The following COL19A1 variants were observed in gnomAD, a reference collection of about 807,000 sequenced individuals.
The protein encoded by COL19A1 is collagen alpha-1(XIX) chain.
In COL19A1, 159 loss-of-function variants were observed where a neutral mutation model predicts 190.2. The observed-to-expected ratio is 0.84, with a 90% CI of 0.73 to 0.95. COL19A1 has a LOEUF of 0.95. COL19A1 is among the 40% of genes least tolerant of loss of function. COL19A1 has a pLI of 0.00. For missense variants in COL19A1, 1,418 were observed against 1,431.9 expected (o/e 0.99, Z 0.16); for synonymous variants, 509 against 458.9 (o/e 1.11, Z -1.39).
At chr6:69,943,737 A>G (rs2150027516) in intron 9 of COL19A1, among the ~76,000 whole-genome samples, 1 of 152,236 alleles carries the variant, frequency 6.6e-6, no homozygotes, top group South Asian at 2.1e-4. Flanking sequence ...TGGGTTCTCT[A>G]GTGTGTTCCA....
intron 11 of COL19A1, among the ~76,000 whole-genome samples, chr6:69,971,979 C>T (rs1015317759): frequency 1.4e-4 from 22 of 152,108 alleles, no homozygotes; most frequent in African/African-American, 4.8e-4. Context: ...ATCCTGAATC[C>T]CACAAGGTCC....
chr6:70,057,768 A>G (rs1395421676), intron 14 of COL19A1, among the ~76,000 whole-genome samples: 1 of 152,126 alleles, frequency 6.6e-6, no homozygotes, highest in Non-Finnish European at 1.5e-5. Flanking sequence ...TTATTTTGGT[A>G]TCAAGTAGGA....
intron 2 of COL19A1, among the ~76,000 whole-genome samples, chr6:69,897,422 A>T (rs1769858574): frequency 6.6e-6 from 1 of 151,690 alleles, no homozygotes; most frequent in Non-Finnish European, 1.5e-5. Flanking sequence ...TGTTTTCTGT[A>T]GTTTCATGTA....
At chr6:70,064,550 C>A (rs1298993690) in intron 14 of COL19A1, among the ~76,000 whole-genome samples, 1 of 152,170 alleles carries the variant, frequency 6.6e-6, no homozygotes, top group Admixed American at 6.5e-5. Context: ...AAAACTGGCA[C>A]AAGACAGGGA....
chr6:69,921,420 T>TC (rs1561998085), intron 4 of COL19A1, among the ~76,000 whole-genome samples: 99 of 115,372 alleles, frequency 8.6e-4, no homozygotes, highest in African/African-American at 1.8e-3. Flanking sequence ...TCATATATCA[T>TC]ATATATCATA....
chr6:69,947,891 T>C (rs566651518), intron 9 of COL19A1, among the ~76,000 whole-genome samples: 9 of 152,030 alleles, frequency 5.9e-5, no homozygotes, highest in African/African-American at 2.2e-4. Flanking sequence ...ACAAACTCTA[T>C]TGAAAAACAA....
chr6:70,098,158 A>G (rs1417991744), intron 15 of COL19A1, among the ~76,000 whole-genome samples: 1 of 152,192 alleles, frequency 6.6e-6, no homozygotes, highest in Non-Finnish European at 1.5e-5. Flanking sequence ...AGCCCTGCAA[A>G]GAAAATAACA....
chr6:70,009,045 G>C (rs1263595484), intron 11 of COL19A1, among the ~76,000 whole-genome samples: 1 of 151,974 alleles, frequency 6.6e-6, no homozygotes, highest in Non-Finnish European at 1.5e-5. Context: ...AAAATTGTGA[G>C]TATTATCTTT....
At chr6:70,166,069 T>C in intron 37 of COL19A1, 84 bp downstream of exon 37, 2 of 1,181,402 alleles carry the variant, frequency 1.7e-6, no homozygotes, top group Non-Finnish European at 2.5e-6. Context: ...CATTTAGATG[T>C]TTTCAAAGAT....
At chr6:70,122,918 A>G (rs1320377871) in intron 17 of COL19A1, among the ~76,000 whole-genome samples, 1 of 152,220 alleles carries the variant, frequency 6.6e-6, no homozygotes, top group African/African-American at 2.4e-5. Flanking sequence ...AGTTTTTTAT[A>G]CTTTATAAAT....
At chr6:70,143,554 C>A (rs1786402073) in intron 23 of COL19A1, among the ~76,000 whole-genome samples, 1 of 152,010 alleles carries the variant, frequency 6.6e-6, no homozygotes, top group Non-Finnish European at 1.5e-5. Flanking sequence ...TTTTTTCATG[C>A]CCTGGGAACA....
intron 11 of COL19A1, among the ~76,000 whole-genome samples, chr6:69,980,274 A>T (rs1452930992): frequency 6.6e-6 from 1 of 152,122 alleles, no homozygotes; most frequent in Admixed American, 6.6e-5. Flanking sequence ...CTCAGAAGTT[A>T]TGTGAAGTTA....
chr6:69,891,936 A>G (rs765138991), intron 2 of COL19A1, among the ~76,000 whole-genome samples: 2 of 152,204 alleles, frequency 1.3e-5, no homozygotes, highest in Non-Finnish European at 2.9e-5. Flanking sequence ...GAAGCTTAGA[A>G]TTGAGTCTGG....
In COL19A1 at chr6:69,926,091, A is replaced by G. The variant is rs60748129; in HGVS notation, c.267-1818A>G. ...AATACCCTTTATTTCTTTCTCCTGC[A>G]TGATTGCCCTGGCCAGAACTTCCAA... On this transcript the variant is annotated intron_variant, in intron 4 of 50. Coordinates refer to ENST00000620364, the MANE Select transcript of COL19A1 (RefSeq NM_001858.6). 2.6e-5 allele frequency among the ~76,000 whole-genome samples: 4 copies of G among 151,914 alleles called. No homozygotes were observed. The East Asian group carries it at 7.7e-4, about 29-fold the overall frequency.
intron 46 of COL19A1, among the ~76,000 whole-genome samples, chr6:70,186,897 G>A (rs1336452287): frequency 6.6e-6 from 1 of 152,008 alleles, no homozygotes; most frequent in African/African-American, 2.4e-5. Context: ...TTTGTTTTGA[G>A]ACAGAGTTTC....
At chr6:70,163,642 A>G (rs759409238) in intron 36 of COL19A1, among the ~76,000 whole-genome samples, 1 of 152,206 alleles carries the variant, frequency 6.6e-6, no homozygotes, top group Non-Finnish European at 1.5e-5. Flanking sequence ...TTCAGGCTGG[A>G]TTCAGAATCC....
In COL19A1 at chr6:70,184,877, A is replaced by T; in HGVS notation, c.2818A>T (p.Met940Leu). 6.2e-7 allele frequency: 1 copy of T among 1,613,312 alleles called. No homozygotes were observed. The highest frequency in any genetic ancestry group is 1.1e-5 in the South Asian group (1 of 90,988). The change falls in exon 46 of 51, where the codon ATG (methionine) becomes TTG (leucine). Residue 940 changes from methionine (M) to leucine (L), a missense_variant. By Grantham distance (15) the Met-to-Leu change is conservative. Coordinates refer to ENST00000620364, the MANE Select transcript of COL19A1 (RefSeq NM_001858.6). Reference sequence around the variant, plus strand: ...GTTGACATCTGTTTTTCAGGGCATCATGGGTAAGCCTGGAGACAGAGGCCC... The same window carrying T: ...GTTGACATCTGTTTTTCAGGGCATCTTGGGTAAGCCTGGAGACAGAGGCCC... ...KDGIPGAQGIMGKPGDRGPKG... is the reference protein window; with the variant it reads ...KDGIPGAQGILGKPGDRGPKG...
intron 4 of COL19A1, among the ~76,000 whole-genome samples, chr6:69,917,948 G>A (rs1490749243): frequency 6.6e-6 from 1 of 152,174 alleles, no homozygotes; most frequent in Non-Finnish European, 1.5e-5. Flanking sequence ...TAATCTTGAT[G>A]TAAATGAAGA....
At chr6:69,944,799 T>G (rs1258623615) in intron 9 of COL19A1, among the ~76,000 whole-genome samples, 1 of 152,036 alleles carries the variant, frequency 6.6e-6, no homozygotes, top group Non-Finnish European at 1.5e-5. Context: ...CTGCTTGTAT[T>G]TAATTATCTA....
Sources: allele counts gnomAD v4.1 joint callset (sites outside exome capture counted in the v4.1 genomes callset), GRCh38; gene constraint gnomAD v4.1.1; transcripts MANE v1.5; gene names NCBI Gene and HGNC (gene_info 2026-07-23, HGNC 2026-07-21).